CDK14: variants seen among roughly 807,000 people sequenced by gnomAD.
The protein encoded by CDK14 is cyclin dependent kinase 14, also known as cyclin-dependent kinase 14.
CDK14 carries 34 observed loss-of-function variants against 60.7 expected under a neutral mutation model. The ratio of observed to expected loss-of-function variants is 0.56; its 90% CI spans 0.43 to 0.75. The LOEUF is 0.75. Among genes scored for constraint, CDK14 ranks in the 30% least tolerant of loss-of-function variants. CDK14 has a pLI of 0.00. For missense variants in CDK14, 482 were observed against 564.1 expected (o/e 0.85, Z 1.47); for synonymous variants, 197 against 203.7 (o/e 0.97, Z 0.28).
intron 2 of CDK14, among the ~76,000 whole-genome samples, chr7:90,670,479 G>T (rs1371428190): frequency 6.6e-6 from 1 of 152,134 alleles, no homozygotes; most frequent in South Asian, 2.1e-4. Context: ...GAATACATGA[G>T]ACTGAGTCAT....
chr7:91,053,243 T>C (rs1017823133), intron 11 of CDK14, among the ~76,000 whole-genome samples: 2 of 152,336 alleles, frequency 1.3e-5, no homozygotes, highest in Admixed American at 6.5e-5. Context: ...TTTCCTAATA[T>C]TGTTATCCCA....
At chr7:90,635,046 T>A (rs1004179548) in intron 2 of CDK14, among the ~76,000 whole-genome samples, 1 of 152,184 alleles carries the variant, frequency 6.6e-6, no homozygotes, top group South Asian at 2.1e-4. Flanking sequence ...CTTTGTCAGA[T>A]GAGTAGGTTG....
intron 10 of CDK14, among the ~76,000 whole-genome samples, chr7:91,033,646 G>C (rs908315105): frequency 6.6e-6 from 1 of 152,172 alleles, no homozygotes; most frequent in African/African-American, 2.4e-5. Context: ...CCTGCTTACA[G>C]GTTTCTCCCT....
chr7:91,045,841 T>C, intron 10 of CDK14, 56 bp from the exon 11 acceptor site: 1 of 1,160,428 alleles, frequency 8.6e-7, no homozygotes, highest in Non-Finnish European at 1.3e-6. Flanking sequence ...CACTTGAGAA[T>C]TTTGAGTGCT....
At chr7:91,189,301 G>T (rs1341403953) in intron 14 of CDK14, among the ~76,000 whole-genome samples, 2 of 151,944 alleles carry the variant, frequency 1.3e-5, no homozygotes, top group Non-Finnish European at 1.5e-5. Context: ...ACAATTAAGG[G>T]GTCAGCAGTT....
At chr7:91,199,513 C>T (rs1373924397) in intron 14 of CDK14, among the ~76,000 whole-genome samples, 1 of 152,080 alleles carries the variant, frequency 6.6e-6, no homozygotes, top group East Asian at 1.9e-4. Flanking sequence ...ATTTAATAAA[C>T]AGTCACACCA....
At chr7:90,980,885 G>A (rs1170906760) in intron 9 of CDK14, among the ~76,000 whole-genome samples, 4 of 152,142 alleles carry the variant, frequency 2.6e-5, no homozygotes, top group Non-Finnish European at 5.9e-5. Flanking sequence ...ATATTATGGA[G>A]ATGATATAGA....
At chr7:90,914,954 T>A (rs868739861) in intron 7 of CDK14, among the ~76,000 whole-genome samples, 3 of 152,126 alleles carry the variant, frequency 2.0e-5, no homozygotes, top group Non-Finnish European at 2.9e-5. Context: ...ACAGCTTAGA[T>A]AAGTATCATA....
At chr7:90,972,427 G>T (rs1794957979) in intron 9 of CDK14, among the ~76,000 whole-genome samples, 1 of 152,176 alleles carries the variant, frequency 6.6e-6, no homozygotes, top group Admixed American at 6.5e-5. Context: ...TTAGAATACA[G>T]AAAAAGGTCA....
At chr7:90,993,002 C>T (rs1416798142) in intron 10 of CDK14, among the ~76,000 whole-genome samples, 2 of 151,980 alleles carry the variant, frequency 1.3e-5, no homozygotes, top group Non-Finnish European at 2.9e-5. Flanking sequence ...ACAAGAAAAT[C>T]GAAGTGTTTC....
chr7:90,859,924 G>A (rs1790949452), intron 5 of CDK14, among the ~76,000 whole-genome samples: 2 of 151,988 alleles, frequency 1.3e-5, no homozygotes, highest in South Asian at 4.2e-4. Flanking sequence ...ATAGAATATA[G>A]GCAGAATGTT....
At position 90,915,857 on chromosome 7, in the gene CDK14, A is replaced by G. The variant is rs75280242; in HGVS notation, c.703-1744A>G. On this transcript the variant is annotated intron_variant, in intron 7 of 14. Coordinates refer to ENST00000380050, the MANE Select transcript of CDK14 (RefSeq NM_001287135.2). ...TGAACGTCAAATGAAGTAATATTCT[A>G]TAAACTACATGGAATAGCAGTTGGC... 0.018 allele frequency among the ~76,000 whole-genome samples: 2,701 copies of G among 152,304 alleles called. 151 individuals carry two copies. The East Asian group carries it at 0.18, about 10-fold the overall frequency.
chr7:91,164,333 C>G (rs1015320327), intron 14 of CDK14, among the ~76,000 whole-genome samples: 1 of 152,070 alleles, frequency 6.6e-6, no homozygotes, highest in Non-Finnish European at 1.5e-5. Context: ...GCCTATATGC[C>G]AGGCCCTATT....
intron 9 of CDK14, among the ~76,000 whole-genome samples, chr7:90,970,201 G>A (rs1554394623): frequency 6.6e-6 from 1 of 151,994 alleles, no homozygotes; most frequent in Non-Finnish European, 1.5e-5. Flanking sequence ...CCTGACCTCA[G>A]GTGATCCACC....
chr7:91,029,484 T>C (rs1204388458), intron 10 of CDK14, among the ~76,000 whole-genome samples: 3 of 151,896 alleles, frequency 2.0e-5, no homozygotes, highest in African/African-American at 7.3e-5. Flanking sequence ...GTATCATTTC[T>C]GTTTTTTTTT....
At chr7:91,066,616 A>G (rs925557520) in intron 11 of CDK14, among the ~76,000 whole-genome samples, 6 of 152,210 alleles carry the variant, frequency 3.9e-5, no homozygotes, top group Non-Finnish European at 8.8e-5. Context: ...TTTGGGTTTT[A>G]TCTTCCTGTG....
chr7:90,955,123 T>C (rs1794373172), intron 8 of CDK14, among the ~76,000 whole-genome samples: 1 of 152,102 alleles, frequency 6.6e-6, no homozygotes, highest in East Asian at 1.9e-4. Context: ...TCCTTTATAG[T>C]TATTTATTTA....
At chr7:90,806,690 C>T (rs966966522) in intron 5 of CDK14, among the ~76,000 whole-genome samples, 2 of 152,180 alleles carry the variant, frequency 1.3e-5, no homozygotes, top group Non-Finnish European at 1.5e-5. Context: ...CTGGGAAGCA[C>T]AAGAGGTCAG....
intron 2 of CDK14, among the ~76,000 whole-genome samples, chr7:90,672,509 T>C (rs1278258312): frequency 2.7e-5 from 1 of 37,580 alleles, no homozygotes; most frequent in Non-Finnish European, 5.4e-5. Context: ...TCTGTTTTTT[T>C]TTTTTTTTTT....
Sources: allele counts gnomAD v4.1 joint callset (sites outside exome capture counted in the v4.1 genomes callset), GRCh38; gene constraint gnomAD v4.1.1; transcripts MANE v1.5; gene names NCBI Gene and HGNC (gene_info 2026-07-23, HGNC 2026-07-21).